CACNB2: variants seen among roughly 807,000 people sequenced by gnomAD.
The protein encoded by CACNB2 is voltage-dependent L-type calcium channel subunit beta-2.
Under a neutral mutation model 73.3 loss-of-function variants are expected in CACNB2, and 42 were observed. The ratio of observed to expected loss-of-function variants is 0.57; its 90% confidence interval spans 0.45 to 0.74. CACNB2 has a LOEUF of 0.74. CACNB2 is among the 30% of genes least tolerant of loss of function. The probability of loss-of-function intolerance (pLI) is 0.00; values close to 1 mark genes in which losing one functional copy is unlikely to be tolerated. For missense variants in CACNB2, 940 were observed against 853.0 expected (o/e 1.10, Z -1.27); for synonymous variants, 348 against 310.3 (o/e 1.12, Z -1.28).
intron 3 of CACNB2, among the ~76,000 whole-genome samples, chr10:18,425,211 TTC>T (rs1357629754): frequency 6.6e-6 from 1 of 152,076 alleles, no homozygotes; most frequent in African/African-American, 2.4e-5. Context: ...CAAGAGGACT[TTC>T]TATATTTTAT....
intron 3 of CACNB2, among the ~76,000 whole-genome samples, chr10:18,449,445 C>T (rs2132595436): frequency 1.3e-5 from 2 of 152,238 alleles, no homozygotes; most frequent in South Asian, 4.2e-4. Context: ...TTCTACCTCT[C>T]CTGCAACAAG....
At chr10:18,363,125 C>T (rs1445399021) in intron 2 of CACNB2, among the ~76,000 whole-genome samples, 2 of 152,184 alleles carry the variant, frequency 1.3e-5, no homozygotes, top group African/African-American at 4.8e-5. Context: ...ATCTCAGAAG[C>T]TCCTAACCAG....
intron 2 of CACNB2, among the ~76,000 whole-genome samples, chr10:18,349,563 T>C (rs2041617519): frequency 2.0e-5 from 3 of 151,894 alleles, no homozygotes; most frequent in Non-Finnish European, 4.4e-5. Flanking sequence ...ATCTGCTAGG[T>C]GAGATGAGCC....
At chr10:18,317,032 A>C (rs2040213330) in intron 2 of CACNB2, among the ~76,000 whole-genome samples, 1 of 152,138 alleles carries the variant, frequency 6.6e-6, no homozygotes, top group Non-Finnish European at 1.5e-5. Flanking sequence ...ACAATCCAGC[A>C]AGAATTGAAA....
In CACNB2 at chr10:18,140,709, T is replaced by C. The variant is rs764866499; in HGVS notation, c.-28T>C. On this transcript the variant is annotated 5_prime_UTR_variant, in exon 1 of 14. Coordinates refer to ENST00000324631, the MANE Select transcript of CACNB2 (RefSeq NM_201596.3). ...AGGGGACCCGCCGCCGGGGGCTGGC[T>C]GCTTCGCTCCGAGCCGACTTTTCGC... The C allele has an allele frequency of 6.3e-7, 1 of 1,577,894 alleles. No individual in the cohort carries two copies. The highest frequency in any genetic ancestry group is 8.6e-7 in the Non-Finnish European group (1 of 1,161,576).
At chr10:18,294,081 A>G (rs952916367) in intron 2 of CACNB2, among the ~76,000 whole-genome samples, 2 of 152,184 alleles carry the variant, frequency 1.3e-5, no homozygotes, top group Non-Finnish European at 2.9e-5. Context: ...TTGTCTCTTT[A>G]ACCACATAGT....
intron 2 of CACNB2, among the ~76,000 whole-genome samples, chr10:18,209,349 G>A (rs1482261019): frequency 6.6e-6 from 1 of 152,040 alleles, no homozygotes; most frequent in Non-Finnish European, 1.5e-5. Context: ...GTTACAAATG[G>A]TTATTAAATT....
chr10:18,215,728 C>T (rs1033119157), intron 2 of CACNB2, among the ~76,000 whole-genome samples: 2 of 152,042 alleles, frequency 1.3e-5, no homozygotes, highest in African/African-American at 4.8e-5. Context: ...AGGAAATAAG[C>T]GAGGTGAAGA....
rs143126487 is a variant in CACNB2, at chr10:18,499,353, C to A, written c.456+876C>A. On this transcript the variant is annotated intron_variant, in intron 4 of 13. Transcript: ENST00000324631. ...GAACCTAGGGCTGGGCCCGGTGGCT[C>A]ATGCCTGTAATCCCAACACTTTGGG... 4.7e-3 allele frequency among the ~76,000 whole-genome samples: 714 copies of A among 152,280 alleles called. 6 individuals are homozygous for A. Among genetic ancestry groups the A allele is most frequent in the African/African-American group, 0.016 (667 of 41,562 alleles).
intron 2 of CACNB2, among the ~76,000 whole-genome samples, chr10:18,358,657 T>TA (rs2042029076): frequency 6.6e-6 from 1 of 152,032 alleles, no homozygotes; most frequent in Non-Finnish European, 1.5e-5. Context: ...AAGTTTTTTT[T>TA]AACTCAGAAT....
chr10:18,182,977 A>G (rs1320801002), intron 2 of CACNB2, among the ~76,000 whole-genome samples: 1 of 152,174 alleles, frequency 6.6e-6, no homozygotes, highest in Non-Finnish European at 1.5e-5. Context: ...AGAAAATAGT[A>G]TACAAATTGA....
intron 2 of CACNB2, among the ~76,000 whole-genome samples, chr10:18,262,611 T>G (rs1257235910): frequency 3.3e-5 from 5 of 152,174 alleles, no homozygotes. Flanking sequence ...GTTACAAACT[T>G]TTTAGAGTAT....
chr10:18,527,756 A>G, intron 10 of CACNB2, 59 bp downstream of exon 10: 1 of 1,046,644 alleles, frequency 9.6e-7, no homozygotes, highest in Middle Eastern at 2.0e-4. Flanking sequence ...GTTGATGATG[A>G]GAAGACCTAA....
intron 2 of CACNB2, among the ~76,000 whole-genome samples, chr10:18,246,239 A>G (rs964063778): frequency 6.6e-6 from 1 of 152,174 alleles, no homozygotes; most frequent in African/African-American, 2.4e-5. Context: ...CTAAATTGGT[A>G]CAAAAATATT....
intron 2 of CACNB2, among the ~76,000 whole-genome samples, chr10:18,194,378 G>A (rs1005927335): frequency 7.3e-6 from 1 of 137,094 alleles, no homozygotes; most frequent in African/African-American, 3.5e-5. Flanking sequence ...CTGACAATGA[G>A]ACTCAAAGTT....
chr10:18,192,691 CTA>C (rs2034456490), intron 2 of CACNB2, among the ~76,000 whole-genome samples: 1 of 152,190 alleles, frequency 6.6e-6, no homozygotes, highest in Admixed American at 6.5e-5. Flanking sequence ...TGTTCTGTCT[CTA>C]TGGATTTATT....
At chr10:18,495,280 A>G (rs1419969702) in intron 3 of CACNB2, among the ~76,000 whole-genome samples, 1 of 151,022 alleles carries the variant, frequency 6.6e-6, no homozygotes, top group Non-Finnish European at 1.5e-5. Flanking sequence ...GCAGTGGTGC[A>G]ATGATCTTTG....
At chr10:18,396,519 G>A (rs2043721464) in intron 2 of CACNB2, among the ~76,000 whole-genome samples, 1 of 152,008 alleles carries the variant, frequency 6.6e-6, no homozygotes, top group African/African-American at 2.4e-5. Context: ...TTGCCAGGCT[G>A]GAGTGCAGTG....
At chr10:18,282,027 G>A (rs1222082105) in intron 2 of CACNB2, among the ~76,000 whole-genome samples, 4 of 146,292 alleles carry the variant, frequency 2.7e-5, no homozygotes, top group African/African-American at 1.0e-4. Flanking sequence ...TATTAAAGTT[G>A]TGGACATAAG....
Sources: allele counts gnomAD v4.1 joint callset (sites outside exome capture counted in the v4.1 genomes callset), GRCh38; gene constraint gnomAD v4.1.1; transcripts MANE v1.5; gene names NCBI Gene and HGNC (gene_info 2026-07-23, HGNC 2026-07-21).